The following PGR variants were observed in gnomAD, a reference collection of about 807,000 sequenced individuals.
PGR encodes nuclear receptor subfamily 3 group C member 3.
In PGR, 25 loss-of-function variants were observed where a neutral mutation model predicts 76.1. That is an observed-to-expected ratio of 0.33 (90% CI 0.24 to 0.46). The LOEUF is 0.46. Ranked by LOEUF, PGR falls within the 20% of genes least tolerant of loss-of-function variation. The pLI is 1.00. For synonymous variants in PGR, 579 were observed against 535.0 expected (o/e 1.08, Z -1.14); for missense variants, 1,172 against 1,225.3 (o/e 0.96, Z 0.65).
chr11:101,088,822 G>A (rs754659818), intron 3 of PGR, among the ~76,000 whole-genome samples: 2 of 152,128 alleles, frequency 1.3e-5, no homozygotes, highest in Non-Finnish European at 2.9e-5. Context: ...AGAAAATGTG[G>A]CATATATACA....
At chr11:101,126,308 G>T in intron 1 of PGR, 150 bp from the exon 2 acceptor site, 1 of 735,202 alleles carries the variant, frequency 1.4e-6, no homozygotes, top group South Asian at 1.5e-5. Context: ...ACTAAACTTG[G>T]TAATAGACTA....
chr11:101,122,542 A>T (rs1352448658), intron 2 of PGR, among the ~76,000 whole-genome samples: 1 of 152,178 alleles, frequency 6.6e-6, no homozygotes, highest in African/African-American at 2.4e-5. Context: ...CATTAAGTCA[A>T]TTCCTGGTCC....
rs1861682314 is a variant in PGR at position 101,091,755 on chromosome 11, A to G, written c.1906+5T>C. ...GTATATTATTGATGAAAACATCAGA[A>G]TTACCTCCAAGGACCATGCCAGCCT... On this transcript the variant is annotated splice_donor_5th_base_variant and intron_variant, in intron 3 of 7. Coordinates refer to ENST00000325455, the MANE Select transcript of PGR (RefSeq NM_000926.4). The G allele has an allele frequency of 1.4e-6, 2 of 1,404,012 alleles. No individual in the cohort carries two copies. The highest frequency in any genetic ancestry group is 2.8e-5 in the African/African-American group (2 of 70,884). 87.0% of individuals were successfully genotyped at this position (1,404,012 alleles called of 1,614,324 possible). A position where few individuals can be genotyped will look rare whatever the true frequency, so the allele number is the denominator to read the frequency against.
At chr11:101,111,199 G>A (rs1198804428) in intron 2 of PGR, among the ~76,000 whole-genome samples, 1 of 152,056 alleles carries the variant, frequency 6.6e-6, no homozygotes, top group Non-Finnish European at 1.5e-5. Context: ...TATATAGTAA[G>A]GACACAAAAA....
intron 2 of PGR, among the ~76,000 whole-genome samples, chr11:101,111,868 T>C (rs1312423939): frequency 6.6e-6 from 1 of 152,082 alleles, no homozygotes; most frequent in Non-Finnish European, 1.5e-5. Flanking sequence ...ACCAAGGAAG[T>C]AAGTATATAA....
intron 2 of PGR, among the ~76,000 whole-genome samples, chr11:101,096,568 C>T (rs773680525): frequency 1.1e-4 from 16 of 152,122 alleles, no homozygotes; most frequent in Admixed American, 3.3e-4. Context: ...GGGAGCCACT[C>T]GCTACTTCAG....
chr11:101,075,517 A>C (rs991261471), intron 3 of PGR, among the ~76,000 whole-genome samples: 2 of 152,086 alleles, frequency 1.3e-5, no homozygotes. Context: ...AGAAACTATC[A>C]TCAGAGTGAA....
In PGR at chr11:101,104,928, G is replaced by A. The variant is rs141762548; in HGVS notation, c.1790-13052C>T. On this transcript the variant is annotated intron_variant, in intron 2 of 7. Transcript: ENST00000325455. Reference sequence around the variant, plus strand: ...GGGGAATGTGTTAAGTGAGACACTGGCAGTAACCAAAGTTTGTTATGTTTC... The same window carrying A: ...GGGGAATGTGTTAAGTGAGACACTGACAGTAACCAAAGTTTGTTATGTTTC... Among the ~76,000 whole-genome samples, 32 of 152,306 alleles carry A rather than the reference G, an allele frequency of 2.1e-4. No individual in the cohort carries two copies. The East Asian group carries it at 6.0e-3, about 28-fold the overall frequency.
intron 7 of PGR, among the ~76,000 whole-genome samples, chr11:101,041,412 T>C (rs1859689581): frequency 6.6e-6 from 1 of 152,138 alleles, no homozygotes; most frequent in Admixed American, 6.6e-5. Flanking sequence ...CTTGTTTGCT[T>C]TTCTTTTTTC....
intron 3 of PGR, among the ~76,000 whole-genome samples, chr11:101,066,946 C>T (rs1191100287): frequency 3.3e-5 from 5 of 152,154 alleles, no homozygotes; most frequent in African/African-American, 1.2e-4. Context: ...TTCTATACAA[C>T]TTTAAAGACT....
In PGR at chr11:101,031,364, C is replaced by G. The variant is rs565617287; in HGVS notation, c.*7752G>C. 2 of 223,332 alleles carry G rather than the reference C, an allele frequency of 9.0e-6. No individual in the cohort carries two copies. The highest frequency in any genetic ancestry group is 1.8e-5 in the Non-Finnish European group (2 of 111,884). The allele number at this position is 223,332 out of a possible 1,614,324, so 13.8% of individuals were successfully genotyped here. A position where few individuals can be genotyped will look rare whatever the true frequency, so the allele number is the denominator to read the frequency against. On this transcript the variant is annotated 3_prime_UTR_variant, in exon 8 of 8. Transcript: ENST00000325455. Reference sequence around the variant, plus strand: ...CCTTCCCACAGCTACCATGTACATACAGTAAGCTTCTGCCTTCCCAGCTGC... The same window carrying G: ...CCTTCCCACAGCTACCATGTACATAGAGTAAGCTTCTGCCTTCCCAGCTGC...
At position 101,062,389 on chromosome 11, in the gene PGR, T is replaced by C. The variant is rs1356585050; in HGVS notation, c.2212+58A>G. 5 of 1,251,254 alleles carry C rather than the reference T, an allele frequency of 4.0e-6. No individual in the cohort carries two copies. The Admixed American group carries it at 6.8e-5, about 17-fold the overall frequency. The allele number at this position is 1,251,254 out of a possible 1,614,324, so 77.5% of individuals were successfully genotyped here. A position where few individuals can be genotyped will look rare whatever the true frequency, so the allele number is the denominator to read the frequency against. ...TAGAGTGTTTTATTTAACAATGTAC[T>C]AATACAACAAACATAGTATATTTTT... On this transcript the variant is annotated intron_variant, in intron 4 of 7. Transcript: ENST00000325455.
chr11:101,093,472 T>C (rs1861740472), intron 2 of PGR, among the ~76,000 whole-genome samples: 2 of 152,180 alleles, frequency 1.3e-5, no homozygotes, highest in African/African-American at 4.8e-5. Flanking sequence ...TCTATTCTTT[T>C]TCTTTCAGAC....
At chr11:101,123,614 T>C (rs1862746682) in intron 2 of PGR, among the ~76,000 whole-genome samples, 1 of 152,214 alleles carries the variant, frequency 6.6e-6, no homozygotes, top group Non-Finnish European at 1.5e-5. Context: ...CTTCTTTGAC[T>C]GTATACACTT....
intron 3 of PGR, among the ~76,000 whole-genome samples, chr11:101,080,825 C>T (rs1215857747): frequency 1.3e-5 from 2 of 151,860 alleles, no homozygotes; most frequent in African/African-American, 4.8e-5. Context: ...TTAAAGCCTT[C>T]AATTATATTT....
At chr11:101,127,207 C>A in intron 1 of PGR, 1 of 371,380 alleles carries the variant, frequency 2.7e-6, no homozygotes, top group Non-Finnish European at 4.8e-6. Flanking sequence ...GAGGCACGCC[C>A]CAAAAATAGT....
At chr11:101,076,114 T>C (rs571110983) in intron 3 of PGR, among the ~76,000 whole-genome samples, 2 of 152,278 alleles carry the variant, frequency 1.3e-5, no homozygotes, top group Admixed American at 6.5e-5. Context: ...GTGGCACATA[T>C]ACACCATGCA....
chr11:101,129,089 T>G lies in PGR; in HGVS notation c.-19A>C, dbSNP rs1388404760. 2.0e-6 allele frequency: 3 copies of G among 1,477,048 alleles called. No individual in the cohort carries two copies. The highest frequency in any genetic ancestry group is 1.7e-5 in the African/African-American group (1 of 59,304). The allele number at this position is 1,477,048 out of a possible 1,614,324, so 91.5% of individuals were successfully genotyped here. ...CAGTCATGACGACTGGACTCCCCTT[T>G]TCTCCTCCCCCGTCTCCAGGAGGAG... is the stretch of plus-strand genomic sequence containing the variant. On this transcript the variant is annotated 5_prime_UTR_variant, in exon 1 of 8. Transcript: ENST00000325455.
intron 6 of PGR, among the ~76,000 whole-genome samples, chr11:101,047,595 C>T (rs1036718484): frequency 6.6e-6 from 1 of 152,022 alleles, no homozygotes; most frequent in African/African-American, 2.4e-5. Flanking sequence ...TGATCTGCAC[C>T]CCCTAGCCAT....
Sources: gnomAD v4.1 joint callset for allele counts (sites outside exome capture counted in the v4.1 genomes callset) on GRCh38, gnomAD v4.1.1 for gene constraint, MANE v1.5 for transcripts, NCBI Gene and HGNC (gene_info 2026-07-23, HGNC 2026-07-21) for gene names.